ATRNL1: variants seen among roughly 807,000 people sequenced by gnomAD.
The protein encoded by ATRNL1 is attractin-like protein 1.
A neutral mutation model predicts 182.7 loss-of-function variants in ATRNL1; 95 were observed. The observed-to-expected ratio is 0.52, with a 90% confidence interval of 0.44 to 0.62. ATRNL1 has a LOEUF of 0.62. Among genes scored for constraint, ATRNL1 ranks in the 20% least tolerant of loss-of-function variants. The pLI is 0.00. For missense variants in ATRNL1, 1,471 were observed against 1,679.5 expected, an observed-to-expected ratio of 0.88 and a Z score of 2.17; for synonymous variants, 576 against 568.3, an observed-to-expected ratio of 1.01 and a Z score of -0.19.
At chr10:115,599,725 T>C (rs575504575) in intron 26 of ATRNL1, among the ~76,000 whole-genome samples, 7 of 152,290 alleles carry the variant, frequency 4.6e-5, no homozygotes, top group South Asian at 2.1e-4. Context: ...TTTGACTTAG[T>C]TGTATCCTCA....
intron 26 of ATRNL1, among the ~76,000 whole-genome samples, chr10:115,596,038 C>T (rs2804213): frequency 0.48 from 72,409 of 151,782 alleles, 18,729 homozygotes; most frequent in East Asian, 0.84. Flanking sequence ...AAGTGTTATT[C>T]GTAAAAGTTA....
At chr10:115,546,719 G>T (rs1338076490) in intron 25 of ATRNL1, among the ~76,000 whole-genome samples, 1 of 152,060 alleles carries the variant, frequency 6.6e-6, no homozygotes. Flanking sequence ...CCTATATATT[G>T]TATGATATTT....
intron 19 of ATRNL1, among the ~76,000 whole-genome samples, chr10:115,340,377 G>T (rs1382042025): frequency 6.6e-6 from 1 of 151,890 alleles, no homozygotes; most frequent in African/African-American, 2.4e-5. Flanking sequence ...TCCTGACCTT[G>T]GCATCTGACA....
At chr10:115,390,590 G>A (rs1313224680) in intron 19 of ATRNL1, among the ~76,000 whole-genome samples, 13 of 152,034 alleles carry the variant, frequency 8.6e-5, no homozygotes, top group Admixed American at 5.9e-4. Context: ...ATATAGGTTT[G>A]TAGTATATTT....
At chr10:115,614,919 G>C (rs1315620277) in intron 26 of ATRNL1, among the ~76,000 whole-genome samples, 1 of 151,686 alleles carries the variant, frequency 6.6e-6, no homozygotes, top group Non-Finnish European at 1.5e-5. Flanking sequence ...GCCTTTAGAG[G>C]TGAAGTGAGT....
intron 26 of ATRNL1, among the ~76,000 whole-genome samples, chr10:115,722,208 A>G (rs1947449229): frequency 1.3e-5 from 2 of 152,116 alleles, no homozygotes; most frequent in Admixed American, 1.3e-4. Flanking sequence ...TTAAGTTAAC[A>G]CATTATGTCA....
intron 20 of ATRNL1, among the ~76,000 whole-genome samples, chr10:115,403,257 C>CTT (rs59256867): frequency 0.015 from 1,627 of 107,426 alleles, 42 homozygotes; most frequent in Non-Finnish European, 0.021. Context: ...TTACTCTCAT[C>CTT]TTTTTTTTTT....
At chr10:115,168,992 A>G (rs1279550003) in intron 7 of ATRNL1, among the ~76,000 whole-genome samples, 1 of 145,844 alleles carries the variant, frequency 6.9e-6, no homozygotes, top group Non-Finnish European at 1.5e-5. Flanking sequence ...AGTTTTGTAT[A>G]TAGTATGCAG....
chr10:115,697,421 G>A (rs1565296552), intron 26 of ATRNL1, among the ~76,000 whole-genome samples: 1 of 152,040 alleles, frequency 6.6e-6, no homozygotes, highest in South Asian at 2.1e-4. Flanking sequence ...CACCTTCTGG[G>A]CTAAAGCAAT....
chr10:115,923,063 T>G (rs781880518), intron 28 of ATRNL1, among the ~76,000 whole-genome samples: 24 of 152,214 alleles, frequency 1.6e-4, no homozygotes, highest in Admixed American at 4.6e-4. Context: ...TTTAAAAGAT[T>G]ATTCTGTAGT....
chr10:115,230,905 GAGAGAGAGAGAGAGAGAA>G (rs1162510994), intron 9 of ATRNL1, among the ~76,000 whole-genome samples: 17 of 145,512 alleles, frequency 1.2e-4, no homozygotes, highest in African/African-American at 4.2e-4. Context: ...GAGAGAGAGA[GAGAGAGAGAGAGAGAGAA>G]AGAGAGAAAT....
At chr10:115,297,757 T>A (rs1012942941) in intron 15 of ATRNL1, among the ~76,000 whole-genome samples, 1 of 152,110 alleles carries the variant, frequency 6.6e-6, no homozygotes, top group Non-Finnish European at 1.5e-5. Flanking sequence ...TTCCCTGATA[T>A]TTAGAAAGTA....
chr10:115,559,347 GT>G (rs1853523967), intron 26 of ATRNL1, among the ~76,000 whole-genome samples: 1 of 151,830 alleles, frequency 6.6e-6, no homozygotes, highest in Non-Finnish European at 1.5e-5. Flanking sequence ...CCCAGATCTT[GT>G]TTTCTAATAT....
chr10:115,268,751 GA>G (rs1554911785), intron 13 of ATRNL1, among the ~76,000 whole-genome samples: 1 of 152,136 alleles, frequency 6.6e-6, no homozygotes, highest in African/African-American at 2.4e-5. Context: ...CTGTTCCTAT[GA>G]AAATAAGATT....
At position 115,498,855 on chromosome 10, in the gene ATRNL1, C is replaced by T. The variant is rs572547916; in HGVS notation, c.3655-20408C>T. ...CTTTACTCTTAGACTGTTGGAAATA[C>T]TTGCTACTTTCAGCTTTTAGACATA... On this transcript the variant is annotated intron_variant, in intron 24 of 28. Coordinates refer to ENST00000355044, the MANE Select transcript of ATRNL1 (RefSeq NM_207303.4). Among the ~76,000 whole-genome samples, 376 of 152,000 alleles carry T rather than the reference C, an allele frequency of 2.5e-3. 1 individual carries two copies. The highest frequency in any genetic ancestry group is 8.6e-3 in the African/African-American group (357 of 41,508).
intron 26 of ATRNL1, among the ~76,000 whole-genome samples, chr10:115,599,331 A>G (rs1481090252): frequency 5.9e-5 from 9 of 152,150 alleles, no homozygotes; most frequent in African/African-American, 2.2e-4. Context: ...TTGTGCTTTC[A>G]ACTTAAAATG....
intron 19 of ATRNL1, among the ~76,000 whole-genome samples, chr10:115,375,950 ATGT>A (rs1592553708): frequency 6.6e-6 from 1 of 152,136 alleles, no homozygotes; most frequent in African/African-American, 2.4e-5. Flanking sequence ...CATATTTTTA[ATGT>A]TGTTACTTAT....
At chr10:115,094,875 G>T (rs960598486) in intron 1 of ATRNL1, among the ~76,000 whole-genome samples, 2 of 152,198 alleles carry the variant, frequency 1.3e-5, no homozygotes, top group Non-Finnish European at 2.9e-5. Flanking sequence ...CTTTAGGTTA[G>T]ATAGAAGGAC....
At chr10:115,244,301 A>T (rs928552001) in intron 10 of ATRNL1, among the ~76,000 whole-genome samples, 1 of 152,156 alleles carries the variant, frequency 6.6e-6, no homozygotes, top group South Asian at 2.1e-4. Context: ...AGTAAATTTT[A>T]TACAGTCAAT....
Sources: allele counts gnomAD v4.1 joint callset (sites outside exome capture counted in the v4.1 genomes callset), GRCh38; gene constraint gnomAD v4.1.1; transcripts MANE v1.5; gene names NCBI Gene and HGNC (gene_info 2026-07-23, HGNC 2026-07-21).